The following DOT1L variants were observed in gnomAD, a reference collection of about 807,000 sequenced individuals.
DOT1L encodes the protein histone-lysine N-methyltransferase, H3 lysine-79 specific.
A neutral mutation model predicts 153.3 loss-of-function variants in DOT1L; 33 were observed. The ratio of observed to expected loss-of-function variants is 0.22; its 90% confidence interval spans 0.16 to 0.29. DOT1L has a LOEUF of 0.29. Ranked by LOEUF, DOT1L falls within the 10% of genes least tolerant of loss-of-function variation. DOT1L has a pLI of 1.00. For missense variants in DOT1L, 1,847 were observed against 2,119.9 expected, an observed-to-expected ratio of 0.87 and a Z score of 2.53; for synonymous variants, 1,135 against 965.1, an observed-to-expected ratio of 1.18 and a Z score of -3.26.
At chr19:2,214,204 G>A in intron 18 of DOT1L, 2 of 909,166 alleles carry the variant, frequency 2.2e-6, no homozygotes, top group Non-Finnish European at 1.6e-6. Context: ...TGGGTGTCAT[G>A]GAGCCACACT....
At position 2,231,033 on chromosome 19, in the gene DOT1L, G is replaced by T. The variant is rs962439922; in HGVS notation, c.*1241G>T. On this transcript the variant is annotated 3_prime_UTR_variant, in exon 28 of 28. Transcript: ENST00000398665. ...GCCCCCCACTCTGCAGCCTTGGCGGGTGCCTGGGACTGGGTGTGGAAGGAG... is the reference window on the plus strand; with the variant it reads ...GCCCCCCACTCTGCAGCCTTGGCGGTTGCCTGGGACTGGGTGTGGAAGGAG... 1 of 236,522 alleles carries T rather than the reference G, an allele frequency of 4.2e-6. No homozygotes were observed. Among genetic ancestry groups the T allele is most frequent in the Non-Finnish European group, 8.3e-6 (1 of 120,670 alleles). The allele number at this position is 236,522 out of a possible 1,614,324, so 14.7% of individuals were successfully genotyped here.
rs1164384917 is a variant in DOT1L, at chr19:2,208,401, G to A, written c.964-534G>A. Among the ~76,000 whole-genome samples, 4 of 152,078 alleles carry A rather than the reference G, an allele frequency of 2.6e-5. No homozygotes were observed. Among genetic ancestry groups the A allele is most frequent in the Non-Finnish European group, 5.9e-5 (4 of 68,000 alleles). ...CTCCACTAGAGCCTGCCTGGGGAGC[G>A]CTGGTGCCGTCTGGGGACCGACAGC... On this transcript the variant is annotated intron_variant, in intron 11 of 27. Coordinates refer to ENST00000398665, the MANE Select transcript of DOT1L (RefSeq NM_032482.3). This position sits in a 1 kb window ranked among gnomAD's most constrained non-coding sequence, Gnocchi z 4.4.
rs2144840012 is a variant in DOT1L at position 2,211,770 on chromosome 19, C to T, written c.1485C>T (p.Tyr495=). The stretch of plus-strand genomic sequence containing the variant: ...TCCCAGAGTCCTTCAAGATCCAGTA[C>T]CTGCAGTTCCTGGCATACACAAAGA... ...QKLLESFKIQ[Y]LQFLAYTKTP... Residue 495 remains tyrosine (Y), a synonymous_variant, in exon 16 of 28, where the codon TAC becomes TAT. Coordinates refer to ENST00000398665, the MANE Select transcript of DOT1L (RefSeq NM_032482.3). 6.4e-7 allele frequency: 1 copy of T among 1,567,362 alleles called. No individual in the cohort carries two copies. Among genetic ancestry groups the T allele is most frequent in the South Asian group, 1.2e-5 (1 of 85,222 alleles).
Position 2,207,395 on chromosome 19 carries a change from T to G in DOT1L, c.857-179T>G, listed in dbSNP as rs2023542354. Among the ~76,000 whole-genome samples the G allele has an allele frequency of 6.6e-6, 1 of 152,112 alleles. No individual in the cohort carries two copies. The highest frequency in any genetic ancestry group is 6.5e-5 in the Admixed American group (1 of 15,280). ...TGGAGGGGCCCAGGCCAGGTGGTGT[T>G]GAATGGTGCACCTCCCTGGGCCGGC... On this transcript the variant is annotated intron_variant, in intron 10 of 27. Coordinates refer to ENST00000398665, the MANE Select transcript of DOT1L (RefSeq NM_032482.3). The surrounding 1 kb of genome is among the most constrained non-coding windows in gnomAD (Gnocchi z 4.5).
At chr19:2,218,880 C>T (rs2024011020) in intron 22 of DOT1L, among the ~76,000 whole-genome samples, 1 of 150,750 alleles carries the variant, frequency 6.6e-6, no homozygotes, top group Admixed American at 6.6e-5. Context: ...CCCCCACCAG[C>T]TGAGACGGAG....
chr19:2,187,558 C>G (rs1180060634), intron 3 of DOT1L, among the ~76,000 whole-genome samples: 1 of 152,172 alleles, frequency 6.6e-6, no homozygotes, highest in Non-Finnish European at 1.5e-5. Flanking sequence ...AGGGAAGAGT[C>G]TCTTCCCAGG....
chr19:2,227,109 G>A lies in DOT1L; in HGVS notation c.4588G>A (p.Ala1530Thr), dbSNP rs2144939935. Residue 1530 changes from alanine to threonine, a missense_variant, in exon 27 of 28, where the codon GCA (alanine) becomes ACA (threonine). Physicochemically the swap from Ala to Thr is moderately conservative, Grantham distance 58. Around this residue, in one of 8 missense-constraint regions of DOT1L, gnomAD observed 934 missense variants for 825.3 expected, o/e 1.13. Coordinates refer to ENST00000398665, the MANE Select transcript of DOT1L (RefSeq NM_032482.3). Reference sequence around the variant, plus strand: ...CGCCATGGGCAGCTTTTCCGGGGTGGCAGGCGGCACAGTTGGAGGTAGGCA... The same window carrying A: ...CGCCATGGGCAGCTTTTCCGGGGTGACAGGCGGCACAGTTGGAGGTAGGCA... ...SHAMGSFSGV[A>T]GGTVGGN 2 of 1,552,506 alleles carry A rather than the reference G, an allele frequency of 1.3e-6. No homozygotes were observed. Among genetic ancestry groups the A allele is most frequent in the Non-Finnish European group, 8.7e-7 (1 of 1,155,816 alleles).
intron 1 of DOT1L, among the ~76,000 whole-genome samples, chr19:2,173,778 A>G (rs1599533398): frequency 6.6e-6 from 1 of 152,162 alleles, no homozygotes; most frequent in East Asian, 1.9e-4. Context: ...GTGCCTCACT[A>G]CGCACTTCAA....
At position 2,199,920 on chromosome 19, in the gene DOT1L, G is replaced by C; in HGVS notation, c.688G>C (p.Glu230Gln). 6.2e-7 allele frequency: 1 copy of C among 1,614,050 alleles called. No homozygotes were observed. The highest frequency in any genetic ancestry group is 8.5e-7 in the Non-Finnish European group (1 of 1,179,920). ...CGATTTCCTCTCAGAAGAGTGGAGGGAGCGAATCGCCAACACGAGGTATGG... is the reference window on the plus strand; with the variant it reads ...CGATTTCCTCTCAGAAGAGTGGAGGCAGCGAATCGCCAACACGAGGTATGG... ...RGDFLSEEWR[E>Q]RIANTSVIFV... Residue 230 changes from glutamate (E) to glutamine (Q), a missense_variant, in exon 8 of 28, where the codon GAG (glutamate) becomes CAG (glutamine). This residue lies in a region of DOT1L where 148 missense variants were observed against 422.3 expected (regional missense o/e 0.35). Transcript: ENST00000398665.
rs2024561525 is a variant in DOT1L, at chr19:2,230,661, G to A, written c.*869G>A. ...ATGAGTGGCAGTATTTTATAGAGAT[G>A]TGATGAGAATTTATAAATTTCATAG... On this transcript the variant is annotated 3_prime_UTR_variant, in exon 28 of 28. Transcript: ENST00000398665. 2.5e-6 allele frequency: 1 copy of A among 398,348 alleles called. No homozygotes were observed. The highest frequency in any genetic ancestry group is 4.4e-5 in the Admixed American group (1 of 22,724). The allele number at this position is 398,348 out of a possible 1,614,324, so 24.7% of individuals were successfully genotyped here.
chr19:2,205,983 C>T (rs2023475270), intron 9 of DOT1L, among the ~76,000 whole-genome samples: 2 of 151,654 alleles, frequency 1.3e-5, no homozygotes, highest in Admixed American at 6.6e-5. Flanking sequence ...AGCCTGTGCG[C>T]CTGGCAGCGT....
chr19:2,165,769 A>ATTTTT (rs34978235), intron 1 of DOT1L, among the ~76,000 whole-genome samples: 1 of 139,578 alleles, frequency 7.2e-6, no homozygotes, highest in Non-Finnish European at 1.6e-5. Flanking sequence ...ATGGCTTCAC[A>ATTTTT]TTTTTTTTTT....
At chr19:2,184,700 G>A (rs1292069656) in intron 2 of DOT1L, among the ~76,000 whole-genome samples, 2 of 152,172 alleles carry the variant, frequency 1.3e-5, no homozygotes, top group Non-Finnish European at 2.9e-5. Context: ...GGAGGGTACC[G>A]TCCTGATGGC....
intron 17 of DOT1L, 34 bp downstream of exon 17, chr19:2,213,674 A>G (rs1411304484): frequency 6.2e-7 from 1 of 1,611,902 alleles, no homozygotes. Flanking sequence ...GGCAGGTGGC[A>G]GCTGGGGCGC....
At chr19:2,179,458 T>C (rs1483651141) in intron 1 of DOT1L, among the ~76,000 whole-genome samples, 1 of 152,164 alleles carries the variant, frequency 6.6e-6, no homozygotes, top group African/African-American at 2.4e-5. Context: ...GCAACTCTTA[T>C]TGCTTTGGCG....
At chr19:2,212,850 C>G (rs1202314804) in intron 16 of DOT1L, 1 of 152,284 alleles carries the variant, frequency 6.6e-6, no homozygotes, top group Non-Finnish European at 1.5e-5. Context: ...CTGGGAGTCT[C>G]CGAGGACCTG....
In DOT1L at chr19:2,217,103, ACCCCT is replaced by A. The variant is rs2023935814; in HGVS notation, c.2544+14_2544+18del. 2 of 1,577,728 alleles carry A rather than the reference ACCCCT, an allele frequency of 1.3e-6. No individual in the cohort carries two copies. Among genetic ancestry groups the A allele is most frequent in the African/African-American group, 2.7e-5 (2 of 74,036 alleles). ...GAGCAGTGAGAAGGTGCGGGCCGCG[ACCCCT>A]GCCCCGGGCTCAGGGAGGTGCTCAG... is the stretch of plus-strand genomic sequence containing the variant. On this transcript the variant is annotated intron_variant, in intron 21 of 27. Coordinates refer to ENST00000398665, the MANE Select transcript of DOT1L (RefSeq NM_032482.3). This position sits in a 1 kb window ranked among gnomAD's most constrained non-coding sequence, Gnocchi z 7.3.
In DOT1L at chr19:2,207,453, G is replaced by A. The variant is rs2301797; in HGVS notation, c.857-121G>A. The A allele has an allele frequency of 0.043, 33,779 of 788,494 alleles. 947 individuals carry two copies. Among genetic ancestry groups the A allele is most frequent in the East Asian group, 0.1 (3,925 of 37,390 alleles). 48.8% of individuals were successfully genotyped at this position (788,494 alleles called of 1,614,324 possible). A position where few individuals can be genotyped will look rare whatever the true frequency, so the allele number is the denominator to read the frequency against. On this transcript the variant is annotated intron_variant, in intron 10 of 27. Coordinates refer to ENST00000398665, the MANE Select transcript of DOT1L (RefSeq NM_032482.3). The surrounding 1 kb of genome is among the most constrained non-coding windows in gnomAD (Gnocchi z 4.5). ...GGCCACTGTGGCCTGACGCAGTGTGGGAGAAGAGGGAAGACGCGCAGCTCA... is the reference window on the plus strand; with the variant it reads ...GGCCACTGTGGCCTGACGCAGTGTGAGAGAAGAGGGAAGACGCGCAGCTCA...
chr19:2,229,435 T>G lies in DOT1L; in HGVS notation c.4607-350T>G, dbSNP rs546295547. 2.0e-5 allele frequency: 20 copies of G among 985,454 alleles called. No individual in the cohort carries two copies. In the Admixed American group the frequency reaches 4.3e-4, roughly 21 times the overall value. 61.0% of individuals were successfully genotyped at this position (985,454 alleles called of 1,614,324 possible). ...CCAAGGCGGAGGCTGTGGCCAGGGC[T>G]GGTCAGCCTGGCGGGTCAATGCGGG... On this transcript the variant is annotated intron_variant, in intron 27 of 27. Transcript: ENST00000398665.
Sources: allele counts gnomAD v4.1 joint callset (sites outside exome capture counted in the v4.1 genomes callset), GRCh38; gene constraint gnomAD v4.1.1; regional missense constraint gnomAD v4.1.1; non-coding constraint Gnocchi (gnomAD v3.1); transcripts MANE v1.5; gene names NCBI Gene and HGNC (gene_info 2026-07-23, HGNC 2026-07-21).